Variants in RYR2 observed in about 807,000 individuals in gnomAD.
RYR2 encodes ryanodine receptor 2.
Under a neutral mutation model 601.1 loss-of-function variants are expected in RYR2, and 227 were observed. That is an observed-to-expected ratio of 0.38 (90% CI 0.34 to 0.42). The LOEUF (loss-of-function observed/expected upper bound fraction) is 0.42, where lower values mean the gene tolerates loss of function less well. Ranked by LOEUF, RYR2 falls within the 10% of genes least tolerant of loss-of-function variation. The pLI is 1.00. For synonymous variants in RYR2, 2,223 were observed against 2,175.1 expected, an observed-to-expected ratio of 1.02 and a Z score of -0.61; for missense variants, 4,646 against 6,156.5, an observed-to-expected ratio of 0.75 and a Z score of 8.21.
At chr1:237,297,967 C>T (rs1213602581) in intron 2 of RYR2, among the ~76,000 whole-genome samples, 1 of 143,158 alleles carries the variant, frequency 7.0e-6, no homozygotes, top group East Asian at 2.0e-4. Context: ...GCCATGTTGC[C>T]TAGGCTGGTC....
At chr1:237,265,340 T>A (rs12045453) in intron 1 of RYR2, among the ~76,000 whole-genome samples, 24,051 of 152,056 alleles carry the variant, frequency 0.16, 2,408 homozygotes, top group East Asian at 0.54. Context: ...GTTTGTTTTT[T>A]GAGCGGGATC....
At chr1:237,533,725 T>G (rs770732431) in intron 25 of RYR2, among the ~76,000 whole-genome samples, 1 of 152,060 alleles carries the variant, frequency 6.6e-6, no homozygotes, top group Non-Finnish European at 1.5e-5. Flanking sequence ...AGATACATAC[T>G]TCGATAAGGA....
At chr1:237,571,863 G>A (rs967054706) in intron 29 of RYR2, among the ~76,000 whole-genome samples, 1 of 152,118 alleles carries the variant, frequency 6.6e-6, no homozygotes, top group African/African-American at 2.4e-5. Context: ...TACATGAGAA[G>A]TTTTGATACA....
At chr1:237,652,083 A>T (rs1682816177) in intron 51 of RYR2, among the ~76,000 whole-genome samples, 1 of 152,220 alleles carries the variant, frequency 6.6e-6, no homozygotes, top group Non-Finnish European at 1.5e-5. Context: ...AGATACTCTT[A>T]AGTTGGAAAA....
chr1:237,225,074 A>G (rs1032667426), intron 1 of RYR2, among the ~76,000 whole-genome samples: 7 of 152,128 alleles, frequency 4.6e-5, no homozygotes, highest in Non-Finnish European at 1.0e-4. Flanking sequence ...TTGCATAACT[A>G]TGAGAGCTCA....
chr1:237,071,608 C>T (rs1212522755), intron 1 of RYR2, among the ~76,000 whole-genome samples: 2 of 152,134 alleles, frequency 1.3e-5, no homozygotes, highest in East Asian at 3.9e-4. Flanking sequence ...GGAAAAAACA[C>T]TATAAACTCT....
At chr1:237,510,622 T>TA (rs985755076) in intron 23 of RYR2, among the ~76,000 whole-genome samples, 7 of 151,358 alleles carry the variant, frequency 4.6e-5, no homozygotes, top group South Asian at 2.1e-4. Context: ...GCTGAAGACT[T>TA]AAAAAAAAAG....
At chr1:237,525,736 G>A (rs1393028217) in intron 24 of RYR2, among the ~76,000 whole-genome samples, 1 of 152,050 alleles carries the variant, frequency 6.6e-6, no homozygotes, top group East Asian at 1.9e-4. Context: ...TCCCAGCACT[G>A]TGGGAGGCCA....
At chr1:237,620,533 T>C (rs1325308022) in intron 38 of RYR2, among the ~76,000 whole-genome samples, 2 of 152,084 alleles carry the variant, frequency 1.3e-5, no homozygotes, top group Admixed American at 1.3e-4. Flanking sequence ...TAAAACTCAA[T>C]CTAACTATAT....
intron 58 of RYR2, among the ~76,000 whole-genome samples, chr1:237,668,833 G>C (rs1684555684): frequency 6.6e-6 from 1 of 152,174 alleles, no homozygotes; most frequent in Non-Finnish European, 1.5e-5. Flanking sequence ...ACACAAATTA[G>C]GATTGGTCAC....
At position 237,614,905 on chromosome 1, in the gene RYR2, T is replaced by C; in HGVS notation, c.5715+62T>C. ...TGCTAAGCATTAAGGTATTAGAACA[T>C]GCCTTTGTTTCTTTCTCTGTGTGTG... On this transcript the variant is annotated intron_variant, in intron 37 of 104. Transcript: ENST00000366574. The surrounding 1 kb of genome is among the most constrained non-coding windows in gnomAD (Gnocchi z 4.3). 1 of 1,456,202 alleles carries C rather than the reference T, an allele frequency of 6.9e-7. No homozygotes were observed. Among genetic ancestry groups the C allele is most frequent in the Non-Finnish European group, 9.2e-7 (1 of 1,087,974 alleles). 90.2% of individuals were successfully genotyped at this position (1,456,202 alleles called of 1,614,324 possible). A position where few individuals can be genotyped will look rare whatever the true frequency, so the allele number is the denominator to read the frequency against.
intron 1 of RYR2, among the ~76,000 whole-genome samples, chr1:237,237,290 G>C (rs1366648269): frequency 6.6e-6 from 1 of 152,208 alleles, no homozygotes; most frequent in Non-Finnish European, 1.5e-5. Flanking sequence ...AATAGTATCT[G>C]TTATTTACTA....
At chr1:237,806,059 C>A in intron 98 of RYR2, 78 bp from the exon 99 acceptor site, 1 of 1,261,368 alleles carries the variant, frequency 7.9e-7, no homozygotes, top group Non-Finnish European at 1.1e-6. Flanking sequence ...CTGTTCCTGG[C>A]TTATTTTGCT....
chr1:237,043,532 G>A (rs187060011), intron 1 of RYR2, among the ~76,000 whole-genome samples: 65 of 152,188 alleles, frequency 4.3e-4, no homozygotes, highest in African/African-American at 1.5e-3. Flanking sequence ...CCAGGCTGAG[G>A]CATTGCACAC....
At chr1:237,620,710 A>G (rs1410811985) in intron 38 of RYR2, among the ~76,000 whole-genome samples, 1 of 152,154 alleles carries the variant, frequency 6.6e-6, no homozygotes, top group Non-Finnish European at 1.5e-5. Context: ...TAAGGATCAT[A>G]CATAATGGTC....
Position 237,185,119 on chromosome 1 carries a change from GC to G in RYR2, c.49-85372del, listed in dbSNP as rs991954466. Among the ~76,000 whole-genome samples, 71 of 152,008 alleles carry G rather than the reference GC, an allele frequency of 4.7e-4. 1 individual carries two copies. The highest frequency in any genetic ancestry group is 1.6e-3 in the African/African-American group (66 of 41,454). ...GGACTCAAGCAGTTCTCCCACCTCG[GC>G]CCCCCAAATAGTTGGTACTACAGGC... On this transcript the variant is annotated intron_variant, in intron 1 of 104. Transcript: ENST00000366574.
chr1:237,108,085 A>G (rs77160134), intron 1 of RYR2, among the ~76,000 whole-genome samples: 116 of 152,290 alleles, frequency 7.6e-4, no homozygotes, highest in African/African-American at 2.6e-3. Flanking sequence ...TGTATGCCTC[A>G]ACTTTGCATA....
At chr1:237,508,627 T>C (rs915448097) in intron 23 of RYR2, among the ~76,000 whole-genome samples, 1 of 151,974 alleles carries the variant, frequency 6.6e-6, no homozygotes, top group African/African-American at 2.4e-5. Context: ...CTTTAAGAAC[T>C]GACTAAAATA....
intron 24 of RYR2, among the ~76,000 whole-genome samples, chr1:237,526,339 C>CTTTCT (rs202124392): frequency 1.3e-5 from 2 of 150,454 alleles, no homozygotes; most frequent in African/African-American, 4.9e-5. Context: ...GTCCTTTTTT[C>CTTTCT]TTTCTTTTCT....
Sources: gnomAD v4.1 joint callset for allele counts (sites outside exome capture counted in the v4.1 genomes callset) on GRCh38, gnomAD v4.1.1 for gene constraint, Gnocchi (gnomAD v3.1) non-coding constraint, MANE v1.5 for transcripts, NCBI Gene and HGNC (gene_info 2026-07-23, HGNC 2026-07-21) for gene names.